MARCHF1: variants seen among roughly 807,000 people sequenced by gnomAD.
The protein encoded by MARCHF1 is E3 ubiquitin-protein ligase MARCHF1.
A neutral mutation model predicts 54.2 loss-of-function variants in MARCHF1; 40 were observed. The observed-to-expected ratio is 0.74, with a 90% CI of 0.57 to 0.96. The LOEUF (loss-of-function observed/expected upper bound fraction) is 0.96. Ranked by LOEUF, MARCHF1 falls within the 40% of genes least tolerant of loss-of-function variation. The pLI is 0.00. For missense variants in MARCHF1, 586 were observed against 656.5 expected (o/e 0.89, Z 1.17); for synonymous variants, 236 against 236.3 (o/e 1.00, Z 0.01).
chr4:164,227,070 G>A (rs1403468436), intron 1 of MARCHF1, among the ~76,000 whole-genome samples: 1 of 152,002 alleles, frequency 6.6e-6, no homozygotes, highest in Non-Finnish European at 1.5e-5. Context: ...AAAAACTATG[G>A]CCAAGAAGGT....
intron 1 of MARCHF1, among the ~76,000 whole-genome samples, chr4:164,182,946 A>C (rs1311377609): frequency 6.6e-6 from 1 of 152,084 alleles, no homozygotes; most frequent in Non-Finnish European, 1.5e-5. Context: ...TGAAGTGACC[A>C]AGAGATCAAA....
At chr4:163,537,219 G>A (rs1738565470) in intron 9 of MARCHF1, among the ~76,000 whole-genome samples, 1 of 152,156 alleles carries the variant, frequency 6.6e-6, no homozygotes, top group Non-Finnish European at 1.5e-5. Context: ...TTTCAAGAAT[G>A]TTTTCATCAG....
At chr4:164,179,552 AG>A (rs1490389184) in intron 1 of MARCHF1, among the ~76,000 whole-genome samples, 10 of 152,312 alleles carry the variant, frequency 6.6e-5, no homozygotes, top group African/African-American at 2.4e-4. Flanking sequence ...AATTAATGTC[AG>A]TTGATGTAAT....
At position 164,216,027 on chromosome 4, in the gene MARCHF1, C is replaced by T. The variant is rs138283619; in HGVS notation, c.-322-104365G>A. Among the ~76,000 whole-genome samples, 687 of 152,278 alleles carry T rather than the reference C, an allele frequency of 4.5e-3. 3 individuals are homozygous for T. Among genetic ancestry groups the T allele is most frequent in the African/African-American group, 0.016 (647 of 41,558 alleles). On this transcript the variant is annotated intron_variant, in intron 1 of 9. Transcript: ENST00000514618. ...GTTCTCACATAATGCCTATATAATT[C>T]TTGAGGCCACCTGGCCCTCAGTTTT...
chr4:164,315,035 C>T (rs1734959314), intron 1 of MARCHF1, among the ~76,000 whole-genome samples: 1 of 151,966 alleles, frequency 6.6e-6, no homozygotes, highest in South Asian at 2.1e-4. Context: ...ATTAGCAAAA[C>T]AGAGAAGAGT....
At chr4:164,119,343 A>T (rs1444528255) in intron 1 of MARCHF1, among the ~76,000 whole-genome samples, 2 of 151,622 alleles carry the variant, frequency 1.3e-5, no homozygotes, top group East Asian at 3.9e-4. Flanking sequence ...AATCTATAGG[A>T]TTATATAGTA....
chr4:163,760,319 T>TA (rs936822626), intron 4 of MARCHF1, among the ~76,000 whole-genome samples: 84 of 152,364 alleles, frequency 5.5e-4, no homozygotes, highest in African/African-American at 2.0e-3. Flanking sequence ...CTCCTTATTT[T>TA]AAAATCAGCT....
At chr4:163,638,973 G>T (rs1742453182) in intron 5 of MARCHF1, among the ~76,000 whole-genome samples, 1 of 151,886 alleles carries the variant, frequency 6.6e-6, no homozygotes. Context: ...ACTTACATAG[G>T]GTACCTAGAG....
chr4:164,320,146 T>C (rs1735103873), intron 1 of MARCHF1, among the ~76,000 whole-genome samples: 1 of 152,210 alleles, frequency 6.6e-6, no homozygotes, highest in Non-Finnish European at 1.5e-5. Flanking sequence ...TGCCAGACAC[T>C]ATTTTAGGTG....
At chr4:163,586,595 A>G (rs1437257804) in intron 7 of MARCHF1, among the ~76,000 whole-genome samples, 1 of 152,222 alleles carries the variant, frequency 6.6e-6, no homozygotes, top group Non-Finnish European at 1.5e-5. Flanking sequence ...CACATCAACA[A>G]TGCACTGTCA....
At chr4:164,241,717 G>C (rs190764959) in intron 1 of MARCHF1, among the ~76,000 whole-genome samples, 267 of 152,240 alleles carry the variant, frequency 1.8e-3, no homozygotes, top group African/African-American at 6.0e-3. Flanking sequence ...CTGAGGTACC[G>C]GGTTCATCTC....
chr4:164,150,415 A>G (rs1241003463), intron 1 of MARCHF1, among the ~76,000 whole-genome samples: 3 of 152,222 alleles, frequency 2.0e-5, no homozygotes, highest in African/African-American at 7.2e-5. Context: ...TGTGTCTGCA[A>G]ATAGGTCGTT....
intron 3 of MARCHF1, among the ~76,000 whole-genome samples, chr4:163,907,677 A>G (rs987996255): frequency 6.6e-6 from 1 of 152,144 alleles, no homozygotes; most frequent in African/African-American, 2.4e-5. Flanking sequence ...GCTGGAATGA[A>G]TTGGAATTGC....
intron 5 of MARCHF1, among the ~76,000 whole-genome samples, chr4:163,665,074 G>T (rs1009605351): frequency 2.0e-5 from 3 of 151,968 alleles, no homozygotes; most frequent in Non-Finnish European, 4.4e-5. Context: ...TTGTAATTCC[G>T]CTGGGTCTAT....
At chr4:163,842,623 C>T (rs960184886) in intron 4 of MARCHF1, among the ~76,000 whole-genome samples, 3 of 152,062 alleles carry the variant, frequency 2.0e-5, no homozygotes, top group Non-Finnish European at 4.4e-5. Context: ...TCTTATAATG[C>T]TGTGGTGGGG....
chr4:163,757,297 A>G (rs1365582956), intron 4 of MARCHF1, among the ~76,000 whole-genome samples: 1 of 152,176 alleles, frequency 6.6e-6, no homozygotes, highest in Non-Finnish European at 1.5e-5. Flanking sequence ...AGAGACTTGA[A>G]GAACCGTGAA....
chr4:163,942,472 T>C (rs1751932369), intron 3 of MARCHF1, among the ~76,000 whole-genome samples: 2 of 152,314 alleles, frequency 1.3e-5, no homozygotes, highest in East Asian at 1.9e-4. Context: ...AACGAGCCAG[T>C]GCTCCTAAGA....
At chr4:163,719,519 G>A (rs1217153505) in intron 4 of MARCHF1, among the ~76,000 whole-genome samples, 1 of 152,146 alleles carries the variant, frequency 6.6e-6, no homozygotes, top group Admixed American at 6.6e-5. Context: ...ATAGCAGCAT[G>A]TTTTGTAATC....
At chr4:163,682,449 A>C (rs1744134835) in intron 5 of MARCHF1, among the ~76,000 whole-genome samples, 1 of 152,128 alleles carries the variant, frequency 6.6e-6, no homozygotes, top group African/African-American at 2.4e-5. Flanking sequence ...ACCTCCCATC[A>C]CAGGCCTAGA....
Sources: gnomAD v4.1 joint callset for allele counts (sites outside exome capture counted in the v4.1 genomes callset) on GRCh38, gnomAD v4.1.1 for gene constraint, MANE v1.5 for transcripts, NCBI Gene and HGNC (gene_info 2026-07-23, HGNC 2026-07-21) for gene names.